MAGI1: variants seen among roughly 807,000 people sequenced by gnomAD.
MAGI1 encodes membrane associated guanylate kinase, WW and PDZ domain containing 1.
In MAGI1, 58 loss-of-function variants were observed where a neutral mutation model predicts 139.9. The observed-to-expected ratio is 0.41, with a 90% confidence interval of 0.34 to 0.52. The LOEUF is 0.52. Among genes scored for constraint, MAGI1 ranks in the 20% least tolerant of loss-of-function variants. The probability of loss-of-function intolerance (pLI) is 0.12; values close to 1 mark genes in which losing one functional copy is unlikely to be tolerated. For missense variants in MAGI1, 1,874 were observed against 1,901.6 expected, an observed-to-expected ratio of 0.99 and a Z score of 0.27; for synonymous variants, 812 against 737.9, an observed-to-expected ratio of 1.10 and a Z score of -1.63.
Position 65,429,700 on chromosome 3 carries a change from C to G in MAGI1, c.1987G>C (p.Gly663Arg), listed in dbSNP as rs935326560. 7 of 1,613,902 alleles carry G rather than the reference C, an allele frequency of 4.3e-6. No homozygotes were observed. The highest frequency in any genetic ancestry group is 5.9e-6 in the Non-Finnish European group (7 of 1,179,928). ...ATCTGTTTCACTCTTTGGCCACCCC[C>G]ACCAGGACTGTCTGCGATAGTAAAA... Reference protein sequence around the residue: ...FGFTIADSPGGGGQRVKQIVD... With the variant: ...FGFTIADSPGRGGQRVKQIVD... Residue 663 changes from glycine to arginine, a missense_variant, in exon 12 of 23, where the codon GGG (glycine) becomes CGG (arginine). By Grantham distance (125) the Gly-to-Arg change is moderately radical. Coordinates refer to ENST00000402939, the MANE Select transcript of MAGI1 (RefSeq NM_001033057.2).
At chr3:65,576,548 T>C (rs1361039790) in intron 2 of MAGI1, among the ~76,000 whole-genome samples, 1 of 152,184 alleles carries the variant, frequency 6.6e-6, no homozygotes, top group African/African-American at 2.4e-5. Context: ...GGCAAATACG[T>C]TTTTATCTTC....
intron 1 of MAGI1, among the ~76,000 whole-genome samples, chr3:65,666,576 T>A (rs928484187): frequency 6.6e-6 from 1 of 152,208 alleles, no homozygotes; most frequent in Non-Finnish European, 1.5e-5. Context: ...GAAGGGAAGA[T>A]AGGAATGACA....
chr3:65,564,498 T>C (rs907791499), intron 2 of MAGI1, among the ~76,000 whole-genome samples: 1 of 152,144 alleles, frequency 6.6e-6, no homozygotes, highest in African/African-American at 2.4e-5. Context: ...GGCTTATAAA[T>C]AACTCCCAGC....
chr3:65,971,997 T>C (rs2107188792), intron 1 of MAGI1, among the ~76,000 whole-genome samples: 1 of 152,306 alleles, frequency 6.6e-6, no homozygotes, highest in Middle Eastern at 3.4e-3. Context: ...TAGCCAGGGA[T>C]GAGAGAACTA....
intron 1 of MAGI1, among the ~76,000 whole-genome samples, chr3:66,025,263 G>A (rs28375572): frequency 0.014 from 2,168 of 152,264 alleles, 60 homozygotes; most frequent in African/African-American, 0.049. Flanking sequence ...GATTGGCCAG[G>A]CACAGTGGCC....
At chr3:65,667,253 G>C (rs531392566) in intron 1 of MAGI1, among the ~76,000 whole-genome samples, 28 of 152,300 alleles carry the variant, frequency 1.8e-4, no homozygotes, top group African/African-American at 6.0e-4. Flanking sequence ...TACAGTATGT[G>C]GGTATCAGAG....
chr3:65,886,798 G>A (rs1333795330), intron 1 of MAGI1, among the ~76,000 whole-genome samples: 1 of 152,164 alleles, frequency 6.6e-6, no homozygotes, highest in Non-Finnish European at 1.5e-5. Context: ...TGAAGCCACT[G>A]TGATTTGAGG....
intron 1 of MAGI1, among the ~76,000 whole-genome samples, chr3:66,011,629 C>T (rs2067324892): frequency 6.6e-6 from 1 of 152,036 alleles, no homozygotes; most frequent in Non-Finnish European, 1.5e-5. Flanking sequence ...CCTATCATCC[C>T]AACCCAGGAC....
chr3:65,867,846 C>A (rs4508817), intron 1 of MAGI1, among the ~76,000 whole-genome samples: 25,298 of 152,018 alleles, frequency 0.17, 2,679 homozygotes, highest in East Asian at 0.34. Flanking sequence ...CTGCCATTTA[C>A]TGTGCTTTCT....
intron 1 of MAGI1, among the ~76,000 whole-genome samples, chr3:65,974,703 C>T (rs2065180802): frequency 6.6e-6 from 1 of 152,154 alleles, no homozygotes; most frequent in African/African-American, 2.4e-5. Flanking sequence ...CAGCAGGGGG[C>T]TTCAGTTCCT....
At chr3:65,788,950 G>C (rs1226021032) in intron 1 of MAGI1, among the ~76,000 whole-genome samples, 1 of 152,116 alleles carries the variant, frequency 6.6e-6, no homozygotes, top group Non-Finnish European at 1.5e-5. Context: ...GGCCAATCCA[G>C]GAGAATCCGT....
chr3:65,695,853 C>G (rs1396756071), intron 1 of MAGI1, among the ~76,000 whole-genome samples: 1 of 152,154 alleles, frequency 6.6e-6, no homozygotes. Context: ...TTTGTGATGT[C>G]TGCCATGAGT....
chr3:65,705,625 A>G (rs2030112940), intron 1 of MAGI1, among the ~76,000 whole-genome samples: 1 of 152,244 alleles, frequency 6.6e-6, no homozygotes, highest in African/African-American at 2.4e-5. Context: ...ATGGCTTTGA[A>G]TAATTCTCAA....
At chr3:66,032,980 A>G (rs2068718763) in intron 1 of MAGI1, among the ~76,000 whole-genome samples, 2 of 151,144 alleles carry the variant, frequency 1.3e-5, no homozygotes, top group South Asian at 4.2e-4. Context: ...TGTCAAGGCT[A>G]TGAAGGAACA....
At chr3:65,596,031 T>G (rs906714263) in intron 2 of MAGI1, among the ~76,000 whole-genome samples, 1 of 152,198 alleles carries the variant, frequency 6.6e-6, no homozygotes, top group Non-Finnish European at 1.5e-5. Context: ...CATTGGCAAG[T>G]GATGAGCTGC....
In MAGI1 at chr3:66,038,069, G is replaced by A. The variant is rs2069043042; in HGVS notation, c.240C>T (p.Gly80=). ...CCCCCAGCACGTCATAGCGGGGCAA[G>A]CCGGACACCCGGACCCCCTGCACCT... ...LLEVQGVRVS[G]LPRYDVLGVI... The change falls in exon 1 of 23, where the codon GGC becomes GGT. Residue 80 remains glycine (G), a synonymous_variant. Transcript: ENST00000402939. 1.2e-6 allele frequency: 2 copies of A among 1,612,836 alleles called. No individual in the cohort carries two copies. Among genetic ancestry groups the A allele is most frequent in the Non-Finnish European group, 1.7e-6 (2 of 1,179,576 alleles).
chr3:65,499,684 A>C (rs781656453), intron 2 of MAGI1, among the ~76,000 whole-genome samples: 21 of 152,212 alleles, frequency 1.4e-4, no homozygotes, highest in Non-Finnish European at 2.8e-4. Context: ...TTTAATGTGC[A>C]CTGAAGTGAT....
chr3:65,692,827 T>C (rs1559792617), intron 1 of MAGI1, among the ~76,000 whole-genome samples: 1 of 152,178 alleles, frequency 6.6e-6, no homozygotes, highest in African/African-American at 2.4e-5. Flanking sequence ...CCGAGCCACC[T>C]TGGGACTGCA....
chr3:65,625,093 G>A (rs138488536), intron 1 of MAGI1, among the ~76,000 whole-genome samples: 4,694 of 152,098 alleles, frequency 0.031, 244 homozygotes, highest in African/African-American at 0.11. Context: ...GGCTGGTCTC[G>A]AACTCCTGCC....
Sources: allele counts gnomAD v4.1 joint callset (sites outside exome capture counted in the v4.1 genomes callset), GRCh38; gene constraint gnomAD v4.1.1; transcripts MANE v1.5; gene names NCBI Gene and HGNC (gene_info 2026-07-23, HGNC 2026-07-21).